PLCH1: variants seen among roughly 807,000 people sequenced by gnomAD.
The protein encoded by PLCH1 is phospholipase C eta 1.
In PLCH1, 60 loss-of-function variants were observed where a neutral mutation model predicts 126.7. That is an observed-to-expected ratio of 0.47 (90% CI 0.38 to 0.59). The LOEUF (loss-of-function observed/expected upper bound fraction) is 0.59, where lower values mean the gene tolerates loss of function less well. Among genes scored for constraint, PLCH1 ranks in the 20% least tolerant of loss-of-function variants. The probability of loss-of-function intolerance (pLI) is 0.00; values close to 1 mark genes in which losing one functional copy is unlikely to be tolerated. For missense variants in PLCH1, 1,723 were observed against 2,040.0 expected (o/e 0.84, Z 2.99); for synonymous variants, 719 against 734.9 (o/e 0.98, Z 0.35).
chr3:155,614,009 C>A (rs1196480281), intron 2 of PLCH1, among the ~76,000 whole-genome samples: 4 of 152,110 alleles, frequency 2.6e-5, no homozygotes, highest in Admixed American at 2.6e-4. Flanking sequence ...CAACAACAAC[C>A]AAGCTGAGAA....
At position 155,615,292 on chromosome 3, in the gene PLCH1, T is replaced by C. The variant is rs140370828; in HGVS notation, c.80-18914A>G. On this transcript the variant is annotated intron_variant, in intron 2 of 22. Coordinates refer to ENST00000460012, the MANE Select transcript of PLCH1 (RefSeq NM_014996.4). ...CAAAAAATCAAAAAATACTAAGTGT[T>C]GGCATGGATGTTGTGAACAGGGAAC... 3.0e-3 allele frequency among the ~76,000 whole-genome samples: 453 copies of C among 152,252 alleles called. 3 individuals are homozygous for C. Among genetic ancestry groups the C allele is most frequent in the African/African-American group, 0.01 (423 of 41,564 alleles).
At chr3:155,706,067 G>A (rs1028968161) in intron 1 of PLCH1, among the ~76,000 whole-genome samples, 5 of 150,048 alleles carry the variant, frequency 3.3e-5, no homozygotes, top group African/African-American at 1.2e-4. Context: ...CCAGCTATTC[G>A]GGAGGCTAAG....
intron 2 of PLCH1, among the ~76,000 whole-genome samples, chr3:155,662,808 C>G (rs934484522): frequency 6.6e-6 from 1 of 151,986 alleles, no homozygotes; most frequent in Non-Finnish European, 1.5e-5. Context: ...GGATTACAGG[C>G]GACAACCACC....
intron 10 of PLCH1, among the ~76,000 whole-genome samples, chr3:155,525,897 T>A (rs1273443679): frequency 6.6e-6 from 1 of 152,206 alleles, no homozygotes; most frequent in Admixed American, 6.5e-5. Flanking sequence ...ATAACAGTAC[T>A]ATGAGGGAAA....
At chr3:155,718,651 G>A (rs529368654) in intron 1 of PLCH1, among the ~76,000 whole-genome samples, 33 of 152,116 alleles carry the variant, frequency 2.2e-4, no homozygotes, top group African/African-American at 6.3e-4. Flanking sequence ...GGGTGAGTGC[G>A]GGGGGGAGGT....
chr3:155,683,145 A>T (rs1744667061), intron 2 of PLCH1, among the ~76,000 whole-genome samples: 1 of 152,194 alleles, frequency 6.6e-6, no homozygotes, highest in Non-Finnish European at 1.5e-5. Context: ...AGTATAACCC[A>T]TATTTAATTT....
chr3:155,554,948 T>TCTCA (rs957992847), intron 8 of PLCH1, among the ~76,000 whole-genome samples: 3 of 152,200 alleles, frequency 2.0e-5, no homozygotes, highest in Non-Finnish European at 4.4e-5. Flanking sequence ...TCTCATTAGC[T>TCTCA]CTCAGCTGGA....
At chr3:155,467,965 C>T (rs73011553) in intron 21 of PLCH1, among the ~76,000 whole-genome samples, 1,816 of 152,212 alleles carry the variant, frequency 0.012, 30 homozygotes, top group African/African-American at 0.042. Context: ...CATTATAACA[C>T]CATAACTGTG....
rs1560177135 is a variant in PLCH1, at chr3:155,566,322, TATATATACGTATATATAC to T, written c.866-1222_866-1205del. 6.1e-5 allele frequency among the ~76,000 whole-genome samples: 3 copies of T among 49,248 alleles called. No individual in the cohort carries two copies. In the East Asian group the frequency reaches 3.3e-3, roughly 55 times the overall value. 32.3% of individuals were successfully genotyped at this position (49,248 alleles called of 152,430 possible). ...ATACACATATATATACATATATACA[TATATATACGTATATATAC>T]ACATATATATACATATATATACACA... On this transcript the variant is annotated intron_variant, in intron 7 of 22. Transcript: ENST00000460012.
intron 4 of PLCH1, among the ~76,000 whole-genome samples, chr3:155,593,689 A>T (rs912248971): frequency 1.3e-5 from 2 of 152,134 alleles, no homozygotes; most frequent in Non-Finnish European, 2.9e-5. Context: ...GAGACCTCTG[A>T]TTGTGGAGCT....
intron 1 of PLCH1, among the ~76,000 whole-genome samples, chr3:155,711,317 C>A (rs1423767157): frequency 1.3e-5 from 2 of 152,066 alleles, no homozygotes; most frequent in East Asian, 3.8e-4. Flanking sequence ...TGTAAAATTT[C>A]TTTATTCCTG....
chr3:155,664,879 G>A (rs549320887), intron 2 of PLCH1, among the ~76,000 whole-genome samples: 1 of 152,120 alleles, frequency 6.6e-6, no homozygotes, highest in East Asian at 1.9e-4. Context: ...CATCATATAG[G>A]TAGAGATGGA....
chr3:155,653,280 T>C (rs1024196645), intron 2 of PLCH1, among the ~76,000 whole-genome samples: 1 of 152,194 alleles, frequency 6.6e-6, no homozygotes, highest in Non-Finnish European at 1.5e-5. Context: ...TGACCTCCCA[T>C]GGGCTGGGAT....
chr3:155,643,655 A>G (rs577908927), intron 2 of PLCH1, among the ~76,000 whole-genome samples: 2 of 152,298 alleles, frequency 1.3e-5, no homozygotes, highest in East Asian at 3.9e-4. Flanking sequence ...CATTAGTTAT[A>G]TTCCACATTT....
intron 2 of PLCH1, among the ~76,000 whole-genome samples, chr3:155,670,738 C>CAT (rs977497456): frequency 3.3e-5 from 5 of 152,100 alleles, no homozygotes; most frequent in African/African-American, 9.7e-5. Context: ...TTACATCACC[C>CAT]ATATACTCCA....
chr3:155,521,505 A>G (rs901109773), intron 11 of PLCH1, among the ~76,000 whole-genome samples: 2 of 152,260 alleles, frequency 1.3e-5, no homozygotes, highest in Admixed American at 6.5e-5. Flanking sequence ...TAATTCAGAT[A>G]TAAATCTAAC....
chr3:155,631,902 CTTTT>C (rs60843505), intron 2 of PLCH1, among the ~76,000 whole-genome samples: 2,349 of 140,804 alleles, frequency 0.017, 62 homozygotes, highest in African/African-American at 0.057. Context: ...ACAAGAACTC[CTTTT>C]TTTTTTTTTT....
intron 2 of PLCH1, among the ~76,000 whole-genome samples, chr3:155,664,058 G>A (rs775228731): frequency 7.9e-5 from 12 of 152,156 alleles, no homozygotes; most frequent in Non-Finnish European, 1.2e-4. Flanking sequence ...GAGTTGAATA[G>A]TGATGCATCA....
At chr3:155,459,214 C>T (rs1712622106) in intron 21 of PLCH1, among the ~76,000 whole-genome samples, 1 of 152,026 alleles carries the variant, frequency 6.6e-6, no homozygotes, top group African/African-American at 2.4e-5. Flanking sequence ...CATTGAAATC[C>T]TTGATAGGTA....
Sources: gnomAD v4.1 joint callset for allele counts (sites outside exome capture counted in the v4.1 genomes callset) on GRCh38, gnomAD v4.1.1 for gene constraint, MANE v1.5 for transcripts, NCBI Gene and HGNC (gene_info 2026-07-23, HGNC 2026-07-21) for gene names.